Variants in SEPTIN6 observed in about 807,000 individuals in gnomAD.
SEPTIN6 encodes septin 6.
In SEPTIN6, 8 loss-of-function variants were observed where a neutral mutation model predicts 33.6. The observed-to-expected ratio is 0.24, with a 90% confidence interval of 0.14 to 0.43. The LOEUF is 0.43. Ranked by LOEUF, SEPTIN6 falls within the 20% of genes least tolerant of loss-of-function variation. The pLI is 1.00. For synonymous variants in SEPTIN6, 131 were observed against 140.0 expected (o/e 0.94, Z 0.45); for missense variants, 250 against 340.8 (o/e 0.73, Z 2.10).
chrX:119,628,992 C>T, intron 9 of SEPTIN6: 1 of 203,601 alleles, frequency 4.9e-6, no homozygotes, highest in Non-Finnish European at 9.0e-6. Context: ...TTTTTTCTTC[C>T]CTTCTGCTCT....
intron 2 of SEPTIN6, among the ~76,000 whole-genome samples, chrX:119,665,071 A>T (rs2054612160): frequency 9.4e-6 from 1 of 106,079 alleles, no homozygotes. Flanking sequence ...GGGGAGACCC[A>T]GCAGGCCACA....
chrX:119,634,733 G>A (rs1056353103), intron 7 of SEPTIN6, among the ~76,000 whole-genome samples: 1 of 111,693 alleles, frequency 9.0e-6, no homozygotes, highest in Admixed American at 9.6e-5. Context: ...TCTTGGCCAG[G>A]TGTGGTGGCT....
rs542925187 is a variant in SEPTIN6, at chrX:119,692,821, G to A, written c.30+255C>T. On this transcript the variant is annotated intron_variant, in intron 1 of 10. Coordinates refer to ENST00000394610, the MANE Select transcript of SEPTIN6 (RefSeq NM_145799.4). ...GGCGGTGGCGCTCACTGCGGCTCTT[G>A]GGCAATGCAAGTTCAGCCGCCGGCC... Among the ~76,000 whole-genome samples the A allele has an allele frequency of 2.4e-4, 27 of 112,265 alleles. 1 individual carries two copies. The South Asian group carries it at 8.7e-3, about 36-fold the overall frequency.
intron 2 of SEPTIN6, among the ~76,000 whole-genome samples, chrX:119,674,860 T>C (rs965884901): frequency 9.0e-6 from 1 of 111,606 alleles, no homozygotes; most frequent in Admixed American, 9.6e-5. Context: ...CTACTTGTGC[T>C]GTGATTAGCA....
At chrX:119,667,788 C>T (rs1250012699) in intron 2 of SEPTIN6, among the ~76,000 whole-genome samples, 1 of 110,108 alleles carries the variant, frequency 9.1e-6, no homozygotes, top group East Asian at 2.9e-4. Context: ...AATTCGATTC[C>T]AGCAGGAAAC....
chrX:119,685,417 C>T (rs1219851399), intron 1 of SEPTIN6, among the ~76,000 whole-genome samples: 1 of 111,107 alleles, frequency 9.0e-6, no homozygotes, highest in Non-Finnish European at 1.9e-5. Flanking sequence ...CCACCTCATT[C>T]GGAAGCAGAC....
intron 5 of SEPTIN6, among the ~76,000 whole-genome samples, chrX:119,642,177 CAAAAAAA>C (rs1188953936): frequency 4.4e-5 from 2 of 45,373 alleles, no homozygotes; most frequent in Non-Finnish European, 8.6e-5. Flanking sequence ...GACCCAGTCT[CAAAAAAA>C]AAAAAAAAAA....
chrX:119,646,723 G>A (rs755208450), intron 5 of SEPTIN6: 4 of 238,306 alleles, frequency 1.7e-5, no homozygotes, highest in Admixed American at 3.6e-5. Context: ...GATTTCTTCC[G>A]CTTCTTCCAA....
chrX:119,669,047 A>G (rs1000370563), intron 2 of SEPTIN6, among the ~76,000 whole-genome samples: 2 of 112,064 alleles, frequency 1.8e-5, no homozygotes, highest in East Asian at 5.5e-4. Flanking sequence ...TCGGTTTTCC[A>G]TTCCTGAGTT....
chrX:119,684,061 T>C (rs2055009630), intron 1 of SEPTIN6, among the ~76,000 whole-genome samples: 1 of 108,896 alleles, frequency 9.2e-6, no homozygotes, highest in Non-Finnish European at 1.9e-5. Context: ...TGCCTCAGCT[T>C]CCTGAGTAGC....
chrX:119,638,751 A>G (rs1316423511), intron 6 of SEPTIN6, among the ~76,000 whole-genome samples: 1 of 112,174 alleles, frequency 8.9e-6, no homozygotes, highest in Admixed American at 9.5e-5. Context: ...GCTATATGCC[A>G]TCTCCTCCTC....
At chrX:119,682,848 G>C (rs747817759) in intron 1 of SEPTIN6, among the ~76,000 whole-genome samples, 4 of 111,600 alleles carry the variant, frequency 3.6e-5, no homozygotes, top group African/African-American at 9.8e-5. Flanking sequence ...TTCAAACCAG[G>C]GTGGCTAAAT....
chrX:119,636,679 C>T (rs2054065903), intron 7 of SEPTIN6, among the ~76,000 whole-genome samples: 1 of 111,746 alleles, frequency 8.9e-6, no homozygotes, highest in Non-Finnish European at 1.9e-5. Context: ...TGGAACAGGG[C>T]CCCAGCTTGG....
At chrX:119,653,511 G>A (rs1351314933) in intron 3 of SEPTIN6, among the ~76,000 whole-genome samples, 2 of 112,572 alleles carry the variant, frequency 1.8e-5, no homozygotes, top group Non-Finnish European at 3.8e-5. Context: ...AACACAGCAT[G>A]GAGCCCACTG....
rs2053701724 is a variant in SEPTIN6 at position 119,618,611 on chromosome X, G to C, written c.*1482C>G. ...GGCTGGGAGGCAGGAGCAAGTTGCG[G>C]AACTCAAAAAGAAGAAGTGAGCTTG... On this transcript the variant is annotated 3_prime_UTR_variant, in exon 11 of 11. Transcript: ENST00000394610. 9.6e-7 allele frequency: 1 copy of C among 1,045,619 alleles called. No homozygotes were observed. The highest frequency in any genetic ancestry group is 1.9e-5 in the African/African-American group (1 of 51,640). 86.2% of individuals were successfully genotyped at this position (1,045,619 alleles called of 1,213,427 possible). A position where few individuals can be genotyped will look rare whatever the true frequency, so the allele number is the denominator to read the frequency against.
At chrX:119,615,785 AC>A (rs1314879380), downstream of SEPTIN6, 1 of 150,525 alleles carries the variant, frequency 6.6e-6, no homozygotes, top group African/African-American at 3.1e-5. Context: ...ATCAGGCTAA[AC>A]AGTGCTGGTT....
chrX:119,682,970 C>T (rs1385037061), intron 1 of SEPTIN6, among the ~76,000 whole-genome samples: 6 of 112,423 alleles, frequency 5.3e-5, no homozygotes, highest in Non-Finnish European at 1.1e-4. Flanking sequence ...ACTAGGAAAG[C>T]GGCCAGGTAC....
In SEPTIN6 at chrX:119,617,217, A is replaced by G. The variant is rs941050386; in HGVS notation, c.*2876T>C. 5 of 809,309 alleles carry G rather than the reference A, an allele frequency of 6.2e-6. No individual in the cohort carries two copies. The African/African-American group carries it at 8.9e-5, about 14-fold the overall frequency. 66.7% of individuals were successfully genotyped at this position (809,309 alleles called of 1,213,427 possible). ...CATTTCTAATGACTGGTTTTGTTTC[A>G]CCAGAAGTAAACAGAGTACTTAGGG... On this transcript the variant is annotated 3_prime_UTR_variant, in exon 11 of 11. Transcript: ENST00000394610.
intron 6 of SEPTIN6, among the ~76,000 whole-genome samples, chrX:119,638,534 G>A (rs946012572): frequency 9.0e-6 from 1 of 111,673 alleles, no homozygotes; most frequent in African/African-American, 3.3e-5. Context: ...CTGGAAGAGG[G>A]TAGTGAGGGC....
Sources: allele counts gnomAD v4.1 joint callset (sites outside exome capture counted in the v4.1 genomes callset), GRCh38; gene constraint gnomAD v4.1.1; transcripts MANE v1.5; gene names NCBI Gene and HGNC (gene_info 2026-07-23, HGNC 2026-07-21).